CEP128: variants seen among roughly 807,000 people sequenced by gnomAD.
CEP128 encodes the protein centrosomal protein 128, also known as centrosomal protein 128kDa.
A neutral mutation model predicts 156.7 loss-of-function variants in CEP128; 132 were observed. The ratio of observed to expected loss-of-function variants is 0.84; its 90% CI spans 0.73 to 0.97. CEP128 has a LOEUF of 0.97. Among genes scored for constraint, CEP128 ranks in the 50% least tolerant of loss-of-function variants. The pLI is 0.00. For missense variants in CEP128, 1,252 were observed against 1,281.9 expected, an observed-to-expected ratio of 0.98 and a Z score of 0.36; for synonymous variants, 469 against 448.9, an observed-to-expected ratio of 1.04 and a Z score of -0.57.
At chr14:80,885,762 T>C (rs750156016) in intron 8 of CEP128, among the ~76,000 whole-genome samples, 2 of 151,984 alleles carry the variant, frequency 1.3e-5, no homozygotes, top group African/African-American at 2.4e-5. Flanking sequence ...CGGCACCAAA[T>C]TGGACAGAGA....
intron 8 of CEP128, among the ~76,000 whole-genome samples, chr14:80,888,632 A>C (rs1230297916): frequency 1.3e-5 from 2 of 152,188 alleles, no homozygotes; most frequent in Non-Finnish European, 2.9e-5. Flanking sequence ...AACATATCTC[A>C]AAATAATAAG....
intron 2 of CEP128, 90 bp from the exon 3 acceptor site, chr14:80,916,652 C>A (rs1671485663): frequency 2.9e-6 from 3 of 1,031,628 alleles, no homozygotes; most frequent in Non-Finnish European, 4.2e-6. Context: ...GATCTCTTTT[C>A]TATGTTTAAT....
chr14:80,885,185 G>A (rs1171017780), intron 8 of CEP128, among the ~76,000 whole-genome samples: 1 of 152,146 alleles, frequency 6.6e-6, no homozygotes, highest in Non-Finnish European at 1.5e-5. Flanking sequence ...GGAAAGGGGT[G>A]GCTGTGGGCA....
rs557914934 is a variant in CEP128, at chr14:80,513,603, T to C, written c.3073-8583A>G. On this transcript the variant is annotated intron_variant, in intron 23 of 24. Transcript: ENST00000555265. ...TCCTCTTTAAGGCCAAAAACTCTTGTGTCTGTCCTTTTGAGGAGAAGACTA... is the reference window on the plus strand; with the variant it reads ...TCCTCTTTAAGGCCAAAAACTCTTGCGTCTGTCCTTTTGAGGAGAAGACTA... 1.8e-4 allele frequency among the ~76,000 whole-genome samples: 27 copies of C among 152,324 alleles called. No homozygotes were observed. The South Asian group carries it at 5.2e-3, about 29-fold the overall frequency.
At chr14:80,605,438 T>A (rs1259003954) in intron 19 of CEP128, among the ~76,000 whole-genome samples, 1 of 152,076 alleles carries the variant, frequency 6.6e-6, no homozygotes, top group Admixed American at 6.5e-5. Context: ...ACCTCGAATA[T>A]CTATCTGTTT....
intron 19 of CEP128, among the ~76,000 whole-genome samples, chr14:80,693,961 A>G (rs1363566074): frequency 6.6e-6 from 1 of 152,222 alleles, no homozygotes; most frequent in East Asian, 1.9e-4. Flanking sequence ...GTTTACAATG[A>G]GGATGAGTGG....
chr14:80,590,003 G>T (rs553957538), intron 19 of CEP128, among the ~76,000 whole-genome samples: 2 of 152,060 alleles, frequency 1.3e-5, no homozygotes, highest in East Asian at 3.9e-4. Context: ...CCTTCACACA[G>T]TGGAAAATAA....
chr14:80,576,566 C>T (rs188288344), intron 20 of CEP128, among the ~76,000 whole-genome samples: 144 of 152,134 alleles, frequency 9.5e-4, no homozygotes, highest in Admixed American at 2.8e-3. Context: ...GAGGCTCCAC[C>T]CCCCCTGCCG....
At chr14:80,632,055 C>G (rs1373681313) in intron 19 of CEP128, among the ~76,000 whole-genome samples, 1 of 152,024 alleles carries the variant, frequency 6.6e-6, no homozygotes, top group Admixed American at 6.6e-5. Context: ...TTACCAGTCA[C>G]CTGATTAAAA....
At chr14:80,824,932 C>T (rs937850468) in intron 13 of CEP128, among the ~76,000 whole-genome samples, 4 of 152,220 alleles carry the variant, frequency 2.6e-5, no homozygotes, top group African/African-American at 7.2e-5. Context: ...CGAGACTGGG[C>T]AATTTACAAA....
chr14:80,669,338 C>T (rs1450116815), intron 19 of CEP128, among the ~76,000 whole-genome samples: 7 of 152,002 alleles, frequency 4.6e-5, no homozygotes, highest in African/African-American at 2.4e-5. Context: ...TTATAAGCTT[C>T]TGTACAGCAT....
At chr14:80,739,704 TACA>T (rs1442996460) in intron 19 of CEP128, among the ~76,000 whole-genome samples, 2 of 152,174 alleles carry the variant, frequency 1.3e-5, no homozygotes, top group Non-Finnish European at 2.9e-5. Flanking sequence ...AATCATAGTA[TACA>T]ATAGGGCTAG....
chr14:80,756,926 T>C lies in CEP128; in HGVS notation c.2579A>G (p.His860Arg), dbSNP rs914943727. 8.7e-6 allele frequency: 14 copies of C among 1,601,536 alleles called. No homozygotes were observed. The highest frequency in any genetic ancestry group is 1.2e-5 in the Non-Finnish European group (14 of 1,170,666). Residue 860 changes from histidine (H) to arginine (R), a missense_variant, in exon 18 of 25, where the codon CAT (histidine) becomes CGT (arginine). His to Arg is a conservative substitution (Grantham distance 29). Coordinates refer to ENST00000555265, the MANE Select transcript of CEP128 (RefSeq NM_152446.5). ...TGCTAACCAGCGATGTGGGTCATAA[T>C]GTATATCAGGACCAGATGAAAAAAC... is the stretch of plus-strand genomic sequence containing the variant. ...LKVFSSGPDIHYDPHRWLAES... is the reference protein window; with the variant it reads ...LKVFSSGPDIRYDPHRWLAES...
intron 19 of CEP128, among the ~76,000 whole-genome samples, chr14:80,656,297 A>ATT (rs1566837878): frequency 9.1e-4 from 5 of 5,520 alleles, no homozygotes; most frequent in African/African-American, 7.3e-3. Flanking sequence ...ATATTTATAT[A>ATT]TATATATATA....
chr14:80,895,702 A>G lies in CEP128; in HGVS notation c.645+16T>C. On this transcript the variant is annotated intron_variant, in intron 8 of 24. Transcript: ENST00000555265. Reference sequence around the variant, plus strand: ...TACATGTGAAATAAAACTTTTTATTAAAAAAGAGATCTCACCACTTCTTGT... The same window carrying G: ...TACATGTGAAATAAAACTTTTTATTGAAAAAGAGATCTCACCACTTCTTGT... 2 of 1,517,468 alleles carry G rather than the reference A, an allele frequency of 1.3e-6. No individual in the cohort carries two copies. The highest frequency in any genetic ancestry group is 2.4e-5 in the East Asian group (1 of 42,450). The allele number at this position is 1,517,468 out of a possible 1,614,324, so 94.0% of individuals were successfully genotyped here.
chr14:80,621,603 C>T (rs142434020), intron 19 of CEP128, among the ~76,000 whole-genome samples: 72 of 152,196 alleles, frequency 4.7e-4, no homozygotes, highest in African/African-American at 1.6e-3. Flanking sequence ...TTAAAATATA[C>T]ACATTAGAAA....
At chr14:80,722,517 C>T (rs1318040443) in intron 19 of CEP128, among the ~76,000 whole-genome samples, 4 of 151,168 alleles carry the variant, frequency 2.6e-5, no homozygotes, top group Non-Finnish European at 5.9e-5. Flanking sequence ...TACAGACGCA[C>T]ACATATAAGT....
chr14:80,623,902 C>T (rs560828834), intron 19 of CEP128, among the ~76,000 whole-genome samples: 172 of 152,236 alleles, frequency 1.1e-3, no homozygotes, highest in African/African-American at 3.8e-3. Context: ...CCATCATCTT[C>T]GGCATTTATC....
chr14:80,857,926 T>C (rs1441681592), intron 9 of CEP128, among the ~76,000 whole-genome samples: 1 of 152,156 alleles, frequency 6.6e-6, no homozygotes, highest in Non-Finnish European at 1.5e-5. Context: ...TAAAATACAA[T>C]GTATGAAGGT....
Sources: gnomAD v4.1 joint callset for allele counts (sites outside exome capture counted in the v4.1 genomes callset) on GRCh38, gnomAD v4.1.1 for gene constraint, MANE v1.5 for transcripts, NCBI Gene and HGNC (gene_info 2026-07-23, HGNC 2026-07-21) for gene names.